CBLC: variants seen among roughly 807,000 people sequenced by gnomAD.
CBLC encodes E3 ubiquitin-protein ligase CBL-C.
CBLC carries 46 observed loss-of-function variants against 58.6 expected under a neutral mutation model. The ratio of observed to expected loss-of-function variants is 0.79; its 90% CI spans 0.62 to 1.00. CBLC has a LOEUF of 1.00. CBLC is among the 50% of genes least tolerant of loss of function. The probability of loss-of-function intolerance (pLI) is 0.00; values close to 1 mark genes in which losing one functional copy is unlikely to be tolerated. For missense variants in CBLC, 655 were observed against 625.8 expected, an observed-to-expected ratio of 1.05 and a Z score of -0.50; for synonymous variants, 271 against 264.2, an observed-to-expected ratio of 1.03 and a Z score of -0.25.
At chr19:44,784,950 GTTTTT>G (rs58171575) in intron 5 of CBLC, among the ~76,000 whole-genome samples, 19 of 34,354 alleles carry the variant, frequency 5.5e-4, no homozygotes, top group Middle Eastern at 0.02. Context: ...CTAGACAGGT[GTTTTT>G]TTTTTTTTTT....
At chr19:44,784,950 GTTTTTTTTTT>G (rs58171575) in intron 5 of CBLC, among the ~76,000 whole-genome samples, 1,109 of 34,364 alleles carry the variant, frequency 0.032, 64 homozygotes, top group African/African-American at 0.086. Flanking sequence ...CTAGACAGGT[GTTTTTTTTTT>G]TTTTTTTTTT....
chr19:44,780,622 G>A (rs369872807), intron 1 of CBLC, among the ~76,000 whole-genome samples: 24 of 151,044 alleles, frequency 1.6e-4, no homozygotes, highest in East Asian at 5.8e-4. Flanking sequence ...ATAGGCGGGC[G>A]CCACCACGCC....
intron 9 of CBLC, among the ~76,000 whole-genome samples, chr19:44,796,218 A>C (rs1968175239): frequency 6.6e-6 from 1 of 152,128 alleles, no homozygotes; most frequent in Non-Finnish European, 1.5e-5. Context: ...CCCTGTCTCA[A>C]AAAACAAACA....
At chr19:44,789,950 G>A (rs1278527624) in intron 5 of CBLC, 54 bp from the exon 6 acceptor site, 1 of 1,145,634 alleles carries the variant, frequency 8.7e-7, no homozygotes, top group Non-Finnish European at 1.3e-6. Context: ...TTGTTCATCT[G>A]GGGGTGGGAA....
intron 4 of CBLC, among the ~76,000 whole-genome samples, chr19:44,783,518 A>C (rs1967804172): frequency 6.6e-6 from 1 of 151,866 alleles, no homozygotes; most frequent in Non-Finnish European, 1.5e-5. Flanking sequence ...TCAAAAAAAA[A>C]AAAAATACAA....
intron 6 of CBLC, among the ~76,000 whole-genome samples, chr19:44,792,007 T>G (rs1469723703): frequency 6.6e-6 from 1 of 151,344 alleles, no homozygotes; most frequent in Non-Finnish European, 1.5e-5. Flanking sequence ...TTTTTTTTTT[T>G]TTTGAGACGG....
At chr19:44,797,360 C>G (rs1445525305) in intron 9 of CBLC, among the ~76,000 whole-genome samples, 1 of 151,884 alleles carries the variant, frequency 6.6e-6, no homozygotes, top group African/African-American at 2.4e-5. Flanking sequence ...AAGCGATTCT[C>G]CTGCCTCAGC....
rs1226709242 is a variant in CBLC, at chr19:44,778,127, G to A, written c.196G>A (p.Gly66Ser). The change falls in exon 1 of 11, where the codon GGC becomes AGC. Residue 66 changes from glycine (G) to serine (S), a missense_variant. By Grantham distance (56) the Gly-to-Ser change is moderately conservative. Around this residue, in one of 3 missense-constraint regions of CBLC, gnomAD observed 280 missense variants for 237.2 expected, o/e 1.18. Coordinates refer to ENST00000647358, the MANE Select transcript of CBLC (RefSeq NM_012116.4). ...REVAHSRRAA[G>S]GGGPGGPGGS... ...GGTGGCCCATTCTCGGCGGGCGGCC[G>A]GCGGAGGCGGCCCCGGGGGTCCCGG... 6.3e-7 allele frequency: 1 copy of A among 1,596,516 alleles called. No individual in the cohort carries two copies. The highest frequency in any genetic ancestry group is 8.5e-7 in the Non-Finnish European group (1 of 1,174,914).
chr19:44,797,619 G>A (rs1968205301), intron 9 of CBLC, among the ~76,000 whole-genome samples: 1 of 148,354 alleles, frequency 6.7e-6, no homozygotes, highest in South Asian at 2.2e-4. Flanking sequence ...GCGGAGTGTG[G>A]TGGCGTGCAC....
chr19:44,790,798 T>C (rs949192533), intron 6 of CBLC, among the ~76,000 whole-genome samples: 1 of 152,148 alleles, frequency 6.6e-6, no homozygotes, highest in South Asian at 2.1e-4. Flanking sequence ...TACTTCAAAT[T>C]GTATTCACGG....
In CBLC at chr19:44,784,950, GTTTTTTTTTTTTTTTTTTTTTTTT is replaced by G. The variant is rs58171575; in HGVS notation, c.917+565_917+588del. 3.8e-4 allele frequency among the ~76,000 whole-genome samples: 13 copies of G among 34,372 alleles called. 1 individual carries two copies. Among genetic ancestry groups the G allele is most frequent in the Non-Finnish European group, 2.6e-4 (4 of 15,214 alleles). 22.5% of individuals were successfully genotyped at this position (34,372 alleles called of 152,430 possible). A position where few individuals can be genotyped will look rare whatever the true frequency, so the allele number is the denominator to read the frequency against. The stretch of plus-strand genomic sequence containing the variant: ...GAACTGGAGAACTTGCTAGACAGGT[GTTTTTTTTTTTTTTTTTTTTTTTT>G]TTTTTTTTTTTTTTTGAGACAGAGT... On this transcript the variant is annotated intron_variant, in intron 5 of 10. Coordinates refer to ENST00000647358, the MANE Select transcript of CBLC (RefSeq NM_012116.4).
intron 9 of CBLC, among the ~76,000 whole-genome samples, chr19:44,797,180 C>T (rs1216976584): frequency 6.6e-6 from 1 of 152,034 alleles, no homozygotes; most frequent in Non-Finnish European, 1.5e-5. Flanking sequence ...GTCTTTCATT[C>T]TTCAAAACAT....
intron 5 of CBLC, among the ~76,000 whole-genome samples, chr19:44,786,463 C>T (rs1446448924): frequency 6.6e-6 from 1 of 151,012 alleles, no homozygotes; most frequent in Non-Finnish European, 1.5e-5. Context: ...GGCGTGGTGG[C>T]GGGCACCTGT....
chr19:44,781,164 T>C, intron 2 of CBLC, 43 bp from the exon 3 acceptor site: 1 of 1,585,962 alleles, frequency 6.3e-7, no homozygotes. Context: ...TCATAGGCTC[T>C]GGGAGGCCTC....
At chr19:44,799,532 A>G (rs980425728) in intron 9 of CBLC, among the ~76,000 whole-genome samples, 8 of 152,086 alleles carry the variant, frequency 5.3e-5, no homozygotes, top group Admixed American at 5.2e-4. Context: ...GGGTTTCACC[A>G]TATTGGCCAG....
chr19:44,780,469 A>ATTTTT (rs1196086433), intron 1 of CBLC, among the ~76,000 whole-genome samples: 9 of 112,426 alleles, frequency 8.0e-5, no homozygotes, highest in African/African-American at 2.4e-4. Flanking sequence ...ATCGTTTTTA[A>ATTTTT]TTTTTTTTTT....
intron 9 of CBLC, among the ~76,000 whole-genome samples, chr19:44,798,483 G>A (rs551138361): frequency 1.4e-3 from 211 of 152,240 alleles, no homozygotes; most frequent in African/African-American, 5.0e-3. Context: ...GCCGAGGTGG[G>A]CAAATCCTTT....
chr19:44,782,254 C>A, intron 3 of CBLC, 116 bp from the exon 4 acceptor site: 2 of 1,452,274 alleles, frequency 1.4e-6, no homozygotes, highest in African/African-American at 1.4e-5. Context: ...AAGGGATATG[C>A]CTGAGGCCCA....
intron 9 of CBLC, among the ~76,000 whole-genome samples, chr19:44,795,034 A>T (rs1412743425): frequency 2.0e-5 from 3 of 149,044 alleles, no homozygotes; most frequent in African/African-American, 7.4e-5. Context: ...CTCGGCTCAC[A>T]GCAACCTCTG....
Sources: gnomAD v4.1 joint callset for allele counts (sites outside exome capture counted in the v4.1 genomes callset) on GRCh38, gnomAD v4.1.1 for gene constraint, gnomAD v4.1.1 regional missense constraint, MANE v1.5 for transcripts, NCBI Gene and HGNC (gene_info 2026-07-23, HGNC 2026-07-21) for gene names.